PDGFD: variants seen among roughly 807,000 people sequenced by gnomAD.
The protein encoded by PDGFD is platelet-derived growth factor D.
PDGFD carries 30 observed loss-of-function variants against 44.7 expected under a neutral mutation model. The observed-to-expected ratio is 0.67, with a 90% CI of 0.50 to 0.91. PDGFD has a LOEUF of 0.91. Among genes scored for constraint, PDGFD ranks in the 40% least tolerant of loss-of-function variants. The probability of loss-of-function intolerance (pLI) is 0.00; values close to 1 mark genes in which losing one functional copy is unlikely to be tolerated. For missense variants in PDGFD, 445 were observed against 457.8 expected (o/e 0.97, Z 0.25); for synonymous variants, 173 against 168.4 (o/e 1.03, Z -0.21).
In PDGFD at chr11:104,037,889, C is replaced by A. The variant is rs771787838; in HGVS notation, c.125-37634G>T. Reference sequence around the variant, plus strand: ...GTGCTGGTCATCGGCACCACTGGCACGCAGACTTATTTTCTTCCTGAGGGA... The same window carrying A: ...GTGCTGGTCATCGGCACCACTGGCAAGCAGACTTATTTTCTTCCTGAGGGA... On this transcript the variant is annotated intron_variant, in intron 1 of 6. Transcript: ENST00000393158. 18 of 1,614,024 alleles carry A rather than the reference C, an allele frequency of 1.1e-5. 1 individual carries two copies. In the South Asian group the frequency reaches 1.6e-4, roughly 15 times the overall value.
At chr11:104,034,891 C>T (rs779033436) in intron 1 of PDGFD, among the ~76,000 whole-genome samples, 2 of 152,126 alleles carry the variant, frequency 1.3e-5, no homozygotes, top group Admixed American at 6.5e-5. Context: ...ATCCGCCCAC[C>T]CTGGCCTCCC....
intron 1 of PDGFD, among the ~76,000 whole-genome samples, chr11:104,066,155 G>A (rs1388068621): frequency 6.6e-5 from 10 of 152,182 alleles, no homozygotes; most frequent in African/African-American, 2.2e-4. Context: ...AGCTTTTGTG[G>A]AGGAATGCCA....
chr11:103,922,417 AC>A (rs1858239235), intron 6 of PDGFD, among the ~76,000 whole-genome samples: 1 of 152,142 alleles, frequency 6.6e-6, no homozygotes, highest in South Asian at 2.1e-4. Context: ...CAGAAAGATC[AC>A]TCTGACCTTC....
intron 1 of PDGFD, among the ~76,000 whole-genome samples, chr11:104,033,952 A>AT (rs1356497332): frequency 2.6e-5 from 4 of 151,128 alleles, no homozygotes; most frequent in Non-Finnish European, 5.9e-5. Flanking sequence ...ACAATGCTAG[A>AT]TTTTTTTTCT....
intron 3 of PDGFD, among the ~76,000 whole-genome samples, chr11:103,991,026 C>T (rs1014512858): frequency 6.6e-6 from 1 of 151,914 alleles, no homozygotes; most frequent in Non-Finnish European, 1.5e-5. Flanking sequence ...GTAGTCCCAG[C>T]TACTCAGGAG....
intron 1 of PDGFD, among the ~76,000 whole-genome samples, chr11:104,075,939 T>C (rs1008488834): frequency 6.6e-6 from 1 of 152,344 alleles, no homozygotes; most frequent in Non-Finnish European, 1.5e-5. Context: ...TTAGGCTTTG[T>C]GTCTCCACCC....
chr11:103,912,762 T>C (rs545376324), intron 6 of PDGFD, among the ~76,000 whole-genome samples: 1 of 149,918 alleles, frequency 6.7e-6, no homozygotes, highest in East Asian at 2.0e-4. Context: ...ACACATAGGC[T>C]CAAAATAAAG....
intron 1 of PDGFD, among the ~76,000 whole-genome samples, chr11:104,096,981 G>A (rs1462746813): frequency 6.6e-6 from 1 of 152,126 alleles, no homozygotes; most frequent in Non-Finnish European, 1.5e-5. Flanking sequence ...TCTCAACACA[G>A]CTTTTCATAC....
At chr11:104,059,636 C>G (rs1860680290) in intron 1 of PDGFD, among the ~76,000 whole-genome samples, 1 of 152,104 alleles carries the variant, frequency 6.6e-6, no homozygotes, top group Non-Finnish European at 1.5e-5. Context: ...GTGCCTTTTT[C>G]TTCTCTCTCT....
At chr11:104,160,598 T>C (rs1862374452) in intron 1 of PDGFD, among the ~76,000 whole-genome samples, 1 of 152,200 alleles carries the variant, frequency 6.6e-6, no homozygotes, top group African/African-American at 2.4e-5. Context: ...GTAAATCAGT[T>C]TGAGCGAGAA....
intron 6 of PDGFD, among the ~76,000 whole-genome samples, chr11:103,916,016 A>G (rs562890584): frequency 1.6e-4 from 24 of 152,344 alleles, no homozygotes; most frequent in Admixed American, 4.6e-4. Flanking sequence ...AATACCATTC[A>G]GGATATGGAC....
Position 104,000,240 on chromosome 11 carries a change from G to C in PDGFD, c.140C>G (p.Thr47Arg). ...GGTCTCATCTCTTCGGTACAAGTCT[G>C]TGAGGTGATTGCTCTCTGTTAGTAG... ...NLRRDESNHL[T>R]DLYRRDETIQ... The change falls in exon 2 of 7, where the codon ACA becomes AGA. Residue 47 changes from threonine (T) to arginine (R), a missense_variant. By Grantham distance (71) the Thr-to-Arg change is moderately conservative. Transcript: ENST00000393158. 1 of 1,613,924 alleles carries C rather than the reference G, an allele frequency of 6.2e-7. No homozygotes were observed. The highest frequency in any genetic ancestry group is 8.5e-7 in the Non-Finnish European group (1 of 1,179,888).
At chr11:104,036,002 A>G (rs962618553) in intron 1 of PDGFD, among the ~76,000 whole-genome samples, 6 of 152,218 alleles carry the variant, frequency 3.9e-5, no homozygotes, top group African/African-American at 1.2e-4. Context: ...CCTCAAGGGC[A>G]GGCTCCAAAT....
At chr11:104,148,156 A>G (rs2119895934) in intron 1 of PDGFD, among the ~76,000 whole-genome samples, 1 of 152,342 alleles carries the variant, frequency 6.6e-6, no homozygotes, top group Admixed American at 6.5e-5. Context: ...CATGAAAATA[A>G]CTAGCAACAT....
intron 1 of PDGFD, among the ~76,000 whole-genome samples, chr11:104,154,196 C>A (rs1862277753): frequency 6.6e-6 from 1 of 152,138 alleles, no homozygotes. Context: ...CACCATCCCC[C>A]ATTACATTCT....
chr11:104,083,203 A>G (rs1420953247), intron 1 of PDGFD, among the ~76,000 whole-genome samples: 1 of 152,192 alleles, frequency 6.6e-6, no homozygotes, highest in Non-Finnish European at 1.5e-5. Flanking sequence ...TTACAAATAC[A>G]TCTCAGAATC....
At position 104,157,950 on chromosome 11, in the gene PDGFD, T is replaced by C. The variant is rs1047952647; in HGVS notation, c.124+5854A>G. On this transcript the variant is annotated intron_variant, in intron 1 of 6. Coordinates refer to ENST00000393158, the MANE Select transcript of PDGFD (RefSeq NM_025208.5). ...TTATTTGTCAGTTAAAACTAAATAA[T>C]AAAATGACACTCTTTTTAAAGAGTC... Among the ~76,000 whole-genome samples, 8 of 152,272 alleles carry C rather than the reference T, an allele frequency of 5.3e-5. No homozygotes were observed. The South Asian group carries it at 8.3e-4, about 16-fold the overall frequency.
chr11:104,114,889 T>TG (rs143734914), intron 1 of PDGFD, among the ~76,000 whole-genome samples: 11,798 of 151,808 alleles, frequency 0.078, 579 homozygotes, highest in East Asian at 0.23. Flanking sequence ...GTTTTTTTTT[T>TG]TGTTTTTTCA....
intron 1 of PDGFD, among the ~76,000 whole-genome samples, chr11:104,123,632 G>C (rs890924037): frequency 2.6e-5 from 4 of 152,004 alleles, no homozygotes; most frequent in Admixed American, 2.6e-4. Flanking sequence ...GCATTCTTTT[G>C]CCTTTATTCT....
Sources: gnomAD v4.1 joint callset for allele counts (sites outside exome capture counted in the v4.1 genomes callset) on GRCh38, gnomAD v4.1.1 for gene constraint, MANE v1.5 for transcripts, NCBI Gene and HGNC (gene_info 2026-07-23, HGNC 2026-07-21) for gene names.